The following DCP2 variants were observed in gnomAD, a reference collection of about 807,000 sequenced individuals.
The protein encoded by DCP2 is m7GpppN-mRNA hydrolase.
A neutral mutation model predicts 56.1 loss-of-function variants in DCP2; 30 were observed. The observed-to-expected ratio is 0.53, with a 90% CI of 0.40 to 0.73. DCP2 has a LOEUF of 0.73. Ranked by LOEUF, DCP2 falls within the 30% of genes least tolerant of loss-of-function variation. DCP2 has a pLI of 0.00. For synonymous variants in DCP2, 197 were observed against 163.3 expected (o/e 1.21, Z -1.57); for missense variants, 533 against 502.7 (o/e 1.06, Z -0.58).
intron 2 of DCP2, among the ~76,000 whole-genome samples, chr5:112,990,735 C>T (rs1013547536): frequency 1.1e-4 from 17 of 152,138 alleles, no homozygotes; most frequent in African/African-American, 4.1e-4. Flanking sequence ...AGCCACCACA[C>T]CTGGCCAAAT....
At chr5:113,012,637 T>G (rs2150193424) in intron 10 of DCP2, among the ~76,000 whole-genome samples, 1 of 152,282 alleles carries the variant, frequency 6.6e-6, no homozygotes, top group East Asian at 1.9e-4. Flanking sequence ...TTCTTTTTTT[T>G]CTTATTTTTT....
chr5:112,988,494 TAAAAA>T lies in DCP2; in HGVS notation c.205+2528_205+2532del, dbSNP rs368124032. ...GTGACACAGCGAGACTGTGTCTTAA[TAAAAA>T]AAAAAAAAAAAAAAAAAAATGGTAT... On this transcript the variant is annotated intron_variant, in intron 2 of 10. Transcript: ENST00000389063. Among the ~76,000 whole-genome samples the T allele has an allele frequency of 2.5e-4, 21 of 82,436 alleles. No individual in the cohort carries two copies. The East Asian group carries it at 4.8e-3, about 19-fold the overall frequency. 54.1% of individuals were successfully genotyped at this position (82,436 alleles called of 152,430 possible).
rs1290485362 is a variant in DCP2 at position 113,019,448 on chromosome 5, G to C, written c.*5964G>C. ...CATTTCACTACTGTTCTAGGGGACTGCTGTCTCTTTGGTTCCTTTTAGGTT... is the reference window on the plus strand; with the variant it reads ...CATTTCACTACTGTTCTAGGGGACTCCTGTCTCTTTGGTTCCTTTTAGGTT... On this transcript the variant is annotated 3_prime_UTR_variant, in exon 11 of 11. Transcript: ENST00000389063. 1 of 152,194 alleles carries C rather than the reference G, an allele frequency of 6.6e-6. No individual in the cohort carries two copies. The highest frequency in any genetic ancestry group is 1.9e-4 in the East Asian group (1 of 5,200). 9.4% of individuals were successfully genotyped at this position (152,194 alleles called of 1,614,324 possible).
intron 4 of DCP2, among the ~76,000 whole-genome samples, chr5:112,994,986 G>A (rs1748781736): frequency 1.3e-5 from 2 of 152,128 alleles, no homozygotes; most frequent in Non-Finnish European, 2.9e-5. Context: ...CTGCAACAAT[G>A]TTTACTGCCT....
In DCP2 at chr5:112,984,703, A is replaced by ATATATATAT. The variant is rs1554098980; in HGVS notation, c.54-1132_54-1131insTATATATAT. The ATATATATAT allele has an allele frequency of 8.8e-4, 57 of 64,844 alleles. No individual in the cohort carries two copies. The South Asian group carries it at 0.019, about 21-fold the overall frequency. The allele number at this position is 64,844 out of a possible 1,614,324, so 4.0% of individuals were successfully genotyped here. On this transcript the variant is annotated intron_variant, in intron 1 of 10. Transcript: ENST00000389063. ...TTCTTAATTAAAAAAAAAAAAAAAA[A>ATATATATAT]ATATATATATATATATATATATTTG...
At chr5:112,981,532 A>G (rs1748003404) in intron 1 of DCP2, among the ~76,000 whole-genome samples, 1 of 152,188 alleles carries the variant, frequency 6.6e-6, no homozygotes, top group African/African-American at 2.4e-5. Context: ...GTAAAAGCTG[A>G]ACAATAATGA....
rs1747734045 is a variant in DCP2 at position 112,976,954 on chromosome 5, G to C, written c.21G>C (p.Glu7Asp). METKRV[E>D]IPGSVLDDLC... ...TCATCATGGAGACCAAACGGGTGGA[G>C]ATTCCCGGCAGCGTCCTGGACGATC... The change falls in exon 1 of 11, where the codon GAG becomes GAC. Residue 7 changes from glutamate (E) to aspartate (D), a missense_variant. Glu to Asp is a conservative substitution (Grantham distance 45, BLOSUM62 2). This residue lies in a region of DCP2 where 137 missense variants were observed against 138.2 expected (regional missense o/e 0.99). Transcript: ENST00000389063. 6.3e-7 allele frequency: 1 copy of C among 1,599,548 alleles called. No individual in the cohort carries two copies. The highest frequency in any genetic ancestry group is 8.6e-7 in the Non-Finnish European group (1 of 1,169,434).
rs1054615937 is a variant in DCP2, at chr5:113,018,708, G to A, written c.*5224G>A. ...TTCGTTCAGTGCCATTTGAAGACCT[G>A]TTGTTTCTTAATCCTTTTTCTTGGT... On this transcript the variant is annotated 3_prime_UTR_variant, in exon 11 of 11. Coordinates refer to ENST00000389063, the MANE Select transcript of DCP2 (RefSeq NM_152624.6). The A allele has an allele frequency of 2.0e-5, 3 of 152,170 alleles. No homozygotes were observed. Among genetic ancestry groups the A allele is most frequent in the Admixed American group, 6.5e-5 (1 of 15,272 alleles). 9.4% of individuals were successfully genotyped at this position (152,170 alleles called of 1,614,324 possible).
intron 4 of DCP2, 24 bp downstream of exon 4, chr5:112,992,794 C>T (rs772869815): frequency 1.3e-6 from 2 of 1,539,254 alleles, no homozygotes; most frequent in Non-Finnish European, 1.7e-6. Context: ...TTTTGATACA[C>T]AGTAAATTTG....
At position 112,984,696 on chromosome 5, in the gene DCP2, AAAAAAAAATATATATATATAT is replaced by A. The variant is rs1248672398; in HGVS notation, c.54-1137_54-1117del. ...TTTTTATTTCTTAATTAAAAAAAAA[AAAAAAAAATATATATATATAT>A]ATATATATTTGAGACAGTGTCTCGT... On this transcript the variant is annotated intron_variant, in intron 1 of 10. Coordinates refer to ENST00000389063, the MANE Select transcript of DCP2 (RefSeq NM_152624.6). 5.2e-5 allele frequency: 6 copies of A among 115,536 alleles called. 1 individual carries two copies. Among genetic ancestry groups the A allele is most frequent in the African/African-American group, 2.5e-4 (6 of 23,868 alleles). 7.2% of individuals were successfully genotyped at this position (115,536 alleles called of 1,614,324 possible).
chr5:112,980,459 G>A (rs938612795), intron 1 of DCP2, among the ~76,000 whole-genome samples: 15 of 152,178 alleles, frequency 9.9e-5, no homozygotes, highest in Non-Finnish European at 1.9e-4. Flanking sequence ...TGTCCTGTTT[G>A]TAGGAACACT....
chr5:112,977,378 C>G (rs762571760), intron 1 of DCP2, among the ~76,000 whole-genome samples: 3 of 152,176 alleles, frequency 2.0e-5, no homozygotes, highest in East Asian at 1.9e-4. Context: ...CTCCCTGTGT[C>G]TCATTCCCCG....
chr5:113,001,310 T>A, intron 5 of DCP2, 47 bp from the exon 6 acceptor site: 1 of 1,595,740 alleles, frequency 6.3e-7, no homozygotes, highest in Non-Finnish European at 8.5e-7. Flanking sequence ...TTTTATAAGC[T>A]CCTTGATAAA....
rs901096660 is a variant in DCP2 at position 113,001,493 on chromosome 5, T to C, written c.698+24T>C. The C allele has an allele frequency of 3.7e-6, 6 of 1,610,092 alleles. No individual in the cohort carries two copies. In the African/African-American group the frequency reaches 8.0e-5, roughly 21 times the overall value. The stretch of plus-strand genomic sequence containing the variant: ...AGGTGTGTTCATATTTCTTGAAATG[T>C]AACTTTCATGATTGGGATAGTCATC... On this transcript the variant is annotated intron_variant, in intron 6 of 10. Transcript: ENST00000389063.
chr5:112,991,157 G>A (rs1367027302), intron 2 of DCP2, among the ~76,000 whole-genome samples: 1 of 151,948 alleles, frequency 6.6e-6, no homozygotes, highest in African/African-American at 2.4e-5. Context: ...TGATACATAT[G>A]GTCATCTAGA....
In DCP2 at chr5:112,996,005, C is replaced by G. The variant is rs537619048; in HGVS notation, c.432+3235C>G. On this transcript the variant is annotated intron_variant, in intron 4 of 10. Transcript: ENST00000389063. ...TCCTCTTGTAAAAATGGCACCAGCC[C>G]TGTCAGATTAGGGCCCTGCCCTTAT... Among the ~76,000 whole-genome samples the G allele has an allele frequency of 1.2e-3, 186 of 152,296 alleles. 1 individual carries two copies. The highest frequency in any genetic ancestry group is 2.3e-3 in the Non-Finnish European group (157 of 68,010).
intron 8 of DCP2, among the ~76,000 whole-genome samples, chr5:113,007,163 T>TA (rs1277288287): frequency 1.3e-5 from 2 of 152,090 alleles, no homozygotes; most frequent in African/African-American, 2.4e-5. Context: ...TGTTATTTTG[T>TA]AAAAATATAG....
rs1056492238 is a variant in DCP2, at chr5:112,976,901, C to T, written c.-33C>T. 1.2e-6 allele frequency: 2 copies of T among 1,612,728 alleles called. No homozygotes were observed. Among genetic ancestry groups the T allele is most frequent in the Admixed American group, 1.7e-5 (1 of 60,034 alleles). On this transcript the variant is annotated 5_prime_UTR_variant, in exon 1 of 11. Coordinates refer to ENST00000389063, the MANE Select transcript of DCP2 (RefSeq NM_152624.6). ...CCGTCAGTCCCCGGCCGCGCGGAGC[C>T]GGGATGCACTGTTCCTGCTGTGGGT...
intron 10 of DCP2, among the ~76,000 whole-genome samples, 165 bp from the exon 11 acceptor site, chr5:113,013,155 GT>G (rs1174097285): frequency 6.6e-6 from 1 of 152,178 alleles, no homozygotes; most frequent in Non-Finnish European, 1.5e-5. Context: ...TTGACCACCA[GT>G]TTATGGAAAG....
Sources: allele counts gnomAD v4.1 joint callset (sites outside exome capture counted in the v4.1 genomes callset), GRCh38; gene constraint gnomAD v4.1.1; regional missense constraint gnomAD v4.1.1; transcripts MANE v1.5; gene names NCBI Gene and HGNC (gene_info 2026-07-23, HGNC 2026-07-21).